Variants in FAM174C observed in about 807,000 individuals in gnomAD.
FAM174C encodes family with sequence similarity 174 member C.
FAM174C carries 19 observed loss-of-function variants against 12.3 expected under a neutral mutation model. The ratio of observed to expected loss-of-function variants is 1.55; its 90% confidence interval spans 1.08 to 2.27. The LOEUF is 2.27. Among genes scored for constraint, FAM174C ranks in the 30% most tolerant of loss-of-function variants. The pLI is 0.00. For missense variants in FAM174C, 239 were observed against 190.2 expected (o/e 1.26, Z -1.51); for synonymous variants, 147 against 103.5 (o/e 1.42, Z -2.55).
At chr19:1,275,901 C>T (rs1334270723) in intron 1 of FAM174C, 71 bp downstream of exon 1, 24 of 1,414,194 alleles carry the variant, frequency 1.7e-5, no homozygotes, top group Admixed American at 8.2e-5. Context: ...CGTCACGTGC[C>T]GGGCCGCGGG....
intron 2 of FAM174C, among the ~76,000 whole-genome samples, chr19:1,277,696 G>C (rs1261670946): frequency 6.6e-6 from 1 of 151,010 alleles, no homozygotes; most frequent in Non-Finnish European, 1.5e-5. Context: ...CTGGGTTCCA[G>C]CTCCTTACCT....
chr19:1,276,003 G>C, intron 1 of FAM174C, 173 bp downstream of exon 1: 1 of 644,328 alleles, frequency 1.6e-6, no homozygotes, highest in Non-Finnish European at 2.6e-6. Context: ...TGTGGGCGGT[G>C]CAGGGGCCAC....
rs2081420089 is a variant in FAM174C at position 1,277,315 on chromosome 19, C to T, written c.398+16C>T. On this transcript the variant is annotated intron_variant, in intron 2 of 2. Transcript: ENST00000409293. ...ATCTGAGATGGTGTGCACCCTTCCCCAGCTCTGGGGCCTCGGTGGGCAGGC... is the reference window on the plus strand; with the variant it reads ...ATCTGAGATGGTGTGCACCCTTCCCTAGCTCTGGGGCCTCGGTGGGCAGGC... 2 of 1,535,546 alleles carry T rather than the reference C, an allele frequency of 1.3e-6. No homozygotes were observed. Among genetic ancestry groups the T allele is most frequent in the Middle Eastern group, 1.7e-4 (1 of 5,872 alleles).
At chr19:1,276,052 G>A (rs1024144633) in intron 1 of FAM174C, 5 of 539,972 alleles carry the variant, frequency 9.3e-6, no homozygotes, top group Admixed American at 7.5e-5. Context: ...TGGGGTTGGA[G>A]GTGCCCAGCG....
At chr19:1,278,645 G>C (rs1053484264) in intron 2 of FAM174C, 132 bp from the exon 3 acceptor site, 1 of 1,495,742 alleles carries the variant, frequency 6.7e-7, no homozygotes, top group Non-Finnish European at 8.9e-7. Flanking sequence ...GGAGGCCAGT[G>C]GGGGGAGGCT....
Position 1,277,233 on chromosome 19 carries a change from A to AC in FAM174C, c.336dup (p.Thr113HisfsTer15), listed in dbSNP as rs1331709836. 3.9e-6 allele frequency: 6 copies of AC among 1,549,586 alleles called. No individual in the cohort carries two copies. The East Asian group carries it at 9.8e-5, about 25-fold the overall frequency. Reference sequence around the variant, plus strand: ...TACGGCCTCCTCGCCAACACTGAGGACCCCACGGAGATGGCCTCGCTGGAC... The same window carrying AC: ...TACGGCCTCCTCGCCAACACTGAGGACCCCCACGGAGATGGCCTCGCTGGAC... On this transcript the variant is annotated frameshift_variant, in exon 2 of 3. Coordinates refer to ENST00000409293, the MANE Select transcript of FAM174C (RefSeq NM_017914.4). LOFTEE classifies it high-confidence loss of function.
In FAM174C at chr19:1,278,804, A is replaced by G; in HGVS notation, c.*27A>G. The G allele has an allele frequency of 6.2e-7, 1 of 1,612,950 alleles. No homozygotes were observed. Among genetic ancestry groups the G allele is most frequent in the South Asian group, 1.1e-5 (1 of 91,082 alleles). On this transcript the variant is annotated 3_prime_UTR_variant, in exon 3 of 3. Coordinates refer to ENST00000409293, the MANE Select transcript of FAM174C (RefSeq NM_017914.4). Reference sequence around the variant, plus strand: ...GCTGAGCCAGGGAGGCGGCCCTTCCAGCAGCCATGAGGGAAGGACAGGAGA... The same window carrying G: ...GCTGAGCCAGGGAGGCGGCCCTTCCGGCAGCCATGAGGGAAGGACAGGAGA...
chr19:1,277,140 T>C (rs757881896), intron 1 of FAM174C, 43 bp from the exon 2 acceptor site: 1 of 1,505,556 alleles, frequency 6.6e-7, no homozygotes. Flanking sequence ...GGAGGCAGGG[T>C]TGGCGGGGAG....
At position 1,278,810 on chromosome 19, in the gene FAM174C, C is replaced by G. The variant is rs941473741; in HGVS notation, c.*33C>G. On this transcript the variant is annotated 3_prime_UTR_variant, in exon 3 of 3. Coordinates refer to ENST00000409293, the MANE Select transcript of FAM174C (RefSeq NM_017914.4). ...CCAGGGAGGCGGCCCTTCCAGCAGC[C>G]ATGAGGGAAGGACAGGAGATGGGGC... is the stretch of plus-strand genomic sequence containing the variant. 6.8e-6 allele frequency: 11 copies of G among 1,613,034 alleles called. No individual in the cohort carries two copies. The highest frequency in any genetic ancestry group is 9.3e-6 in the Non-Finnish European group (11 of 1,179,904).
chr19:1,279,147 G>T lies in FAM174C; in HGVS notation c.*370G>T, dbSNP rs753332207. On this transcript the variant is annotated 3_prime_UTR_variant, in exon 3 of 3. Coordinates refer to ENST00000409293, the MANE Select transcript of FAM174C (RefSeq NM_017914.4). ...GACATGGCAGCCCAGAGCCAAGGCT[G>T]GGTGGGCAGGTGACCCAAGGAACCT... The T allele has an allele frequency of 8.1e-6, 13 of 1,612,910 alleles. No homozygotes were observed. The South Asian group carries it at 1.4e-4, about 18-fold the overall frequency.
Position 1,279,037 on chromosome 19 carries a change from C to T in FAM174C, c.*260C>T. ...CCTGGCCGAGGGTCCCAGGTGAAGACTGGAGGGACCCCAACAGCCACCGCC... is the reference window on the plus strand; with the variant it reads ...CCTGGCCGAGGGTCCCAGGTGAAGATTGGAGGGACCCCAACAGCCACCGCC... On this transcript the variant is annotated 3_prime_UTR_variant, in exon 3 of 3. Coordinates refer to ENST00000409293, the MANE Select transcript of FAM174C (RefSeq NM_017914.4). The T allele has an allele frequency of 4.3e-6, 7 of 1,611,780 alleles. No homozygotes were observed. Among genetic ancestry groups the T allele is most frequent in the African/African-American group, 1.3e-5 (1 of 75,058 alleles).
At chr19:1,276,615 A>C (rs1353739232) in intron 1 of FAM174C, 2 of 152,376 alleles carry the variant, frequency 1.3e-5, no homozygotes, top group Admixed American at 6.5e-5. Context: ...CGCTGGTCTG[A>C]ACTCCTGGGC....
chr19:1,277,383 A>G, intron 2 of FAM174C, 84 bp downstream of exon 2: 1 of 1,486,236 alleles, frequency 6.7e-7, no homozygotes, highest in Admixed American at 2.1e-5. Flanking sequence ...TGGCCAAGCC[A>G]TGGAGTGGTC....
chr19:1,277,377 C>G (rs1225043721), intron 2 of FAM174C, 78 bp downstream of exon 2: 1 of 1,498,854 alleles, frequency 6.7e-7, no homozygotes. Context: ...GGGACTTGGC[C>G]AAGCCATGGA....
chr19:1,275,585 G>T lies in FAM174C; in HGVS notation c.36G>T (p.Leu12=). Residue 12 remains leucine (L), a synonymous_variant, in exon 1 of 3, where the codon CTG becomes CTT. Coordinates refer to ENST00000409293, the MANE Select transcript of FAM174C (RefSeq NM_017914.4). The part of the protein sequence containing the change: ...GPRVLQPPLL[L]LLLALLLAAL... ...GCGTGCTGCAGCCGCCGCTGCTGCT[G>T]CTCCTGCTGGCGCTGCTGCTGGCGG... 1 of 1,236,932 alleles carries T rather than the reference G, an allele frequency of 8.1e-7. No homozygotes were observed. The highest frequency in any genetic ancestry group is 1.6e-5 in the African/African-American group (1 of 63,426). 76.6% of individuals were successfully genotyped at this position (1,236,932 alleles called of 1,614,324 possible). A position where few individuals can be genotyped will look rare whatever the true frequency, so the allele number is the denominator to read the frequency against.
chr19:1,277,428 T>C (rs757293), intron 2 of FAM174C, 129 bp downstream of exon 2: 1,290,208 of 1,387,680 alleles, frequency 0.93, 600,211 homozygotes, highest in East Asian at 1. Flanking sequence ...AGTCAGGCCA[T>C]GGCCCCACTG....
Position 1,275,819 on chromosome 19 carries a change from C to A in FAM174C, c.270C>A (p.Ile90=). The A allele has an allele frequency of 1.3e-6, 2 of 1,537,186 alleles. No homozygotes were observed. Among genetic ancestry groups the A allele is most frequent in the Non-Finnish European group, 1.7e-6 (2 of 1,146,262 alleles). Residue 90 remains isoleucine (I), a synonymous_variant, in exon 1 of 3, where the codon ATC becomes ATA. Coordinates refer to ENST00000409293, the MANE Select transcript of FAM174C (RefSeq NM_017914.4). The part of the protein sequence containing the change: ...FCGLTALYFL[I]RAFRLKKPQR... ...GCCTGACCGCGCTCTACTTCCTGAT[C>A]CGGGCGTTTAGGTGCGTCAGGCGCA...
intron 2 of FAM174C, 70 bp downstream of exon 2, chr19:1,277,369 G>T (rs183439478): frequency 2.0e-6 from 3 of 1,506,564 alleles, no homozygotes; most frequent in Non-Finnish European, 2.7e-6. Flanking sequence ...GGACCCTGGG[G>T]ACTTGGCCAA....
chr19:1,275,838 A>G lies in FAM174C; in HGVS notation c.281+8A>G. The G allele has an allele frequency of 1.3e-6, 2 of 1,535,396 alleles. No homozygotes were observed. Among genetic ancestry groups the G allele is most frequent in the Non-Finnish European group, 1.7e-6 (2 of 1,145,988 alleles). ...CCTGATCCGGGCGTTTAGGTGCGTC[A>G]GGCGCACGTGGGCGCCGTCTCTCAG... On this transcript the variant is annotated splice_region_variant and intron_variant, in intron 1 of 2. Coordinates refer to ENST00000409293, the MANE Select transcript of FAM174C (RefSeq NM_017914.4).
Sources: allele counts gnomAD v4.1 joint callset (sites outside exome capture counted in the v4.1 genomes callset), GRCh38; gene constraint gnomAD v4.1.1; transcripts MANE v1.5; gene names NCBI Gene and HGNC (gene_info 2026-07-23, HGNC 2026-07-21).